Variants in PKHD1 observed in about 807,000 individuals in gnomAD.
PKHD1 encodes the protein fibrocystin.
A neutral mutation model predicts 412.0 loss-of-function variants in PKHD1; 291 were observed. That is an observed-to-expected ratio of 0.71 (90% confidence interval 0.64 to 0.78). The LOEUF (loss-of-function observed/expected upper bound fraction) is 0.78. PKHD1 is among the 30% of genes least tolerant of loss of function. The probability of loss-of-function intolerance (pLI) is 0.00; values close to 1 mark genes in which losing one functional copy is unlikely to be tolerated. For synonymous variants in PKHD1, 1,777 were observed against 1,821.5 expected (o/e 0.98, Z 0.62); for missense variants, 4,825 against 4,950.7 (o/e 0.97, Z 0.76).
intron 34 of PKHD1, among the ~76,000 whole-genome samples, chr6:52,016,874 GTTTA>G (rs1435857701): frequency 1.3e-5 from 2 of 152,148 alleles, no homozygotes; most frequent in East Asian, 1.9e-4. Flanking sequence ...AAGTTGTGGT[GTTTA>G]TTTGTCAGCC....
At position 51,802,840 on chromosome 6, in the gene PKHD1, T is replaced by G. The variant is rs1040993548; in HGVS notation, c.8303-11467A>C. Among the ~76,000 whole-genome samples, 43 of 151,144 alleles carry G rather than the reference T, an allele frequency of 2.8e-4. 4 individuals carry two copies. The highest frequency in any genetic ancestry group is 1.1e-3 in the African/African-American group (43 of 40,602). On this transcript the variant is annotated intron_variant, in intron 52 of 66. Transcript: ENST00000371117. ...ACAGGGCAATATATCCAAAAAACTA[T>G]GAGATTCTTTAATTTTCCTCGGTAT...
chr6:51,868,234 A>G, intron 47 of PKHD1, 125 bp from the exon 48 acceptor site: 1 of 914,778 alleles, frequency 1.1e-6, no homozygotes, highest in Non-Finnish European at 1.7e-6. Flanking sequence ...TATTCATGCA[A>G]GAAAAAAAGT....
rs186481511 is a variant in PKHD1 at position 52,077,165 on chromosome 6, A to C, written c.391-832T>G. 2.8e-3 allele frequency among the ~76,000 whole-genome samples: 430 copies of C among 152,302 alleles called. 2 individuals carry two copies. The highest frequency in any genetic ancestry group is 6.8e-3 in the Middle Eastern group (2 of 294). ...CATTCGAATTTTTGTGAATGAAAAG[A>C]GTCACCCAATCTGGGATGACTGATA... On this transcript the variant is annotated intron_variant, in intron 5 of 66. Transcript: ENST00000371117.
At chr6:52,028,022 C>A in intron 30 of PKHD1, 126 bp from the exon 31 acceptor site, 1 of 1,185,548 alleles carries the variant, frequency 8.4e-7, no homozygotes, top group Non-Finnish European at 1.3e-6. Context: ...AGATTTGTTC[C>A]AATGTTATGA....
chr6:51,929,529 CA>C (rs2127749307), intron 37 of PKHD1, among the ~76,000 whole-genome samples: 1 of 152,222 alleles, frequency 6.6e-6, no homozygotes, highest in East Asian at 1.9e-4. Flanking sequence ...TTGTGGAGCA[CA>C]ATGTGAAAAC....
chr6:51,627,123 T>C lies in PKHD1; in HGVS notation c.11666-7A>G, dbSNP rs1045401170. Reference sequence around the variant, plus strand: ...ATCTCTTCAGGTTTTGTTTCTGTATTAATGGAGAAGAAAAAGGATTTTTTT... The same window carrying C: ...ATCTCTTCAGGTTTTGTTTCTGTATCAATGGAGAAGAAAAAGGATTTTTTT... On this transcript the variant is annotated splice_region_variant and splice_polypyrimidine_tract_variant and intron_variant, in intron 65 of 66. Transcript: ENST00000371117. 6.2e-7 allele frequency: 1 copy of C among 1,611,148 alleles called. No homozygotes were observed.
rs114966774 is a variant in PKHD1 at position 51,983,490 on chromosome 6, A to G, written c.5752-23464T>C. On this transcript the variant is annotated intron_variant, in intron 35 of 66. Transcript: ENST00000371117. ...GACAAAACACTCCTCCTAAAACTCA[A>G]AGAAACATCGCAACACCTTTGTAAT... Among the ~76,000 whole-genome samples, 755 of 152,324 alleles carry G rather than the reference A, an allele frequency of 5.0e-3. 7 individuals carry two copies. Among genetic ancestry groups the G allele is most frequent in the African/African-American group, 0.017 (699 of 41,578 alleles).
At chr6:51,829,591 G>A (rs1290953470) in intron 52 of PKHD1, among the ~76,000 whole-genome samples, 1 of 152,084 alleles carries the variant, frequency 6.6e-6, no homozygotes, top group Non-Finnish European at 1.5e-5. Context: ...CCATCAAAGA[G>A]AGGTGGTTTA....
chr6:51,975,087 A>T (rs1794197582), intron 35 of PKHD1, among the ~76,000 whole-genome samples: 1 of 152,052 alleles, frequency 6.6e-6, no homozygotes, highest in South Asian at 2.1e-4. Context: ...AAAATAAAAC[A>T]TAAAAAATAA....
At chr6:51,625,801 G>T (rs1767153318) in intron 66 of PKHD1, among the ~76,000 whole-genome samples, 1 of 152,166 alleles carries the variant, frequency 6.6e-6, no homozygotes, top group Admixed American at 6.6e-5. Flanking sequence ...TCAGATGGCA[G>T]CGTTCAAACA....
chr6:51,869,908 G>C (rs914243326), intron 47 of PKHD1, among the ~76,000 whole-genome samples: 1 of 152,030 alleles, frequency 6.6e-6, no homozygotes, highest in South Asian at 2.1e-4. Flanking sequence ...GGCTGTTTAC[G>C]ATGATCAAAT....
intron 49 of PKHD1, among the ~76,000 whole-genome samples, chr6:51,850,826 A>G (rs1772087957): frequency 6.6e-6 from 1 of 152,288 alleles, no homozygotes; most frequent in Middle Eastern, 3.4e-3. Context: ...TAAGTATAAA[A>G]TCATGTCATC....
intron 9 of PKHD1, among the ~76,000 whole-genome samples, 165 bp from the exon 10 acceptor site, chr6:52,070,610 A>C (rs1810468859): frequency 6.6e-6 from 1 of 151,904 alleles, no homozygotes; most frequent in Non-Finnish European, 1.5e-5. Flanking sequence ...AAACAAAAAA[A>C]CAAAAACAAA....
At chr6:52,048,465 T>C (rs371883335) in intron 23 of PKHD1, 27 bp downstream of exon 23, 9 of 1,612,572 alleles carry the variant, frequency 5.6e-6, no homozygotes, top group Middle Eastern at 1.7e-4. Flanking sequence ...TGAGTGAGAA[T>C]TGTTGCAACC....
intron 35 of PKHD1, among the ~76,000 whole-genome samples, chr6:51,969,757 G>A (rs951844165): frequency 6.6e-6 from 1 of 151,914 alleles, no homozygotes; most frequent in African/African-American, 2.4e-5. Flanking sequence ...CAATGTATGT[G>A]TGTATATATA....
intron 61 of PKHD1, among the ~76,000 whole-genome samples, chr6:51,649,612 C>T (rs488913): frequency 0.92 from 140,600 of 152,232 alleles, 65,086 homozygotes; most frequent in East Asian, 1. Flanking sequence ...AAATCAGCTT[C>T]CCAAATAATG....
intron 43 of PKHD1, among the ~76,000 whole-genome samples, chr6:51,901,721 C>T (rs1214341480): frequency 6.7e-6 from 1 of 149,536 alleles, no homozygotes; most frequent in Non-Finnish European, 1.5e-5. Flanking sequence ...TTAAGGTCAC[C>T]AAGGATAAAT....
intron 62 of PKHD1, among the ~76,000 whole-genome samples, chr6:51,648,806 A>C (rs2150365298): frequency 6.6e-6 from 1 of 152,340 alleles, no homozygotes; most frequent in Non-Finnish European, 1.5e-5. Flanking sequence ...ATTTCAGAGA[A>C]GATGTGACAG....
rs941639462 is a variant in PKHD1 at position 51,721,207 on chromosome 6, A to G, written c.10156+23178T>C. 1.6e-5 allele frequency: 15 copies of G among 943,278 alleles called. No homozygotes were observed. In the Admixed American group the frequency reaches 1.9e-4, roughly 12 times the overall value. The allele number at this position is 943,278 out of a possible 1,614,324, so 58.4% of individuals were successfully genotyped here. A position where few individuals can be genotyped will look rare whatever the true frequency, so the allele number is the denominator to read the frequency against. ...GTCATGGCCAAGGTCTGATTTTGCA[A>G]TTCAAAAAATTGCAACCTCCAGCAT... On this transcript the variant is annotated intron_variant, in intron 60 of 66. Coordinates refer to ENST00000371117, the MANE Select transcript of PKHD1 (RefSeq NM_138694.4).
Sources: gnomAD v4.1 joint callset for allele counts (sites outside exome capture counted in the v4.1 genomes callset) on GRCh38, gnomAD v4.1.1 for gene constraint, MANE v1.5 for transcripts, NCBI Gene and HGNC (gene_info 2026-07-23, HGNC 2026-07-21) for gene names.